ASIC2: variants seen among roughly 807,000 people sequenced by gnomAD.
ASIC2 encodes acid sensing ion channel subunit 2, also known as acid-sensing ion channel 2.
Under a neutral mutation model 57.3 loss-of-function variants are expected in ASIC2, and 25 were observed. That is an observed-to-expected ratio of 0.44 (90% CI 0.32 to 0.61). The LOEUF (loss-of-function observed/expected upper bound fraction) is 0.61, where lower values mean the gene tolerates loss of function less well. Among genes scored for constraint, ASIC2 ranks in the 20% least tolerant of loss-of-function variants. The pLI is 0.06. For synonymous variants in ASIC2, 319 were observed against 307.5 expected, an observed-to-expected ratio of 1.04 and a Z score of -0.39; for missense variants, 641 against 738.1, an observed-to-expected ratio of 0.87 and a Z score of 1.52.
intron 2 of ASIC2, among the ~76,000 whole-genome samples, chr17:33,100,595 A>G (rs2092208277): frequency 6.6e-6 from 1 of 152,166 alleles, no homozygotes; most frequent in Non-Finnish European, 1.5e-5. Flanking sequence ...CAGACTGCAA[A>G]TGCTTGGCAC....
At chr17:33,706,932 G>A (rs970127973) in intron 1 of ASIC2, among the ~76,000 whole-genome samples, 3 of 152,152 alleles carry the variant, frequency 2.0e-5, no homozygotes, top group Non-Finnish European at 2.9e-5. Context: ...TTTCTTCGTT[G>A]TGCCTCATTA....
intron 1 of ASIC2, among the ~76,000 whole-genome samples, chr17:33,222,332 C>T (rs1275016215): frequency 6.6e-6 from 1 of 152,110 alleles, no homozygotes; most frequent in Non-Finnish European, 1.5e-5. Context: ...CACAAAAGGT[C>T]ACAGGTTGTA....
At chr17:33,779,660 C>T (rs1050732344) in intron 1 of ASIC2, among the ~76,000 whole-genome samples, 5 of 151,984 alleles carry the variant, frequency 3.3e-5, no homozygotes, top group Non-Finnish European at 7.4e-5. Flanking sequence ...AGTTCTATAT[C>T]CTGAAGTGAG....
chr17:33,930,108 A>G lies in ASIC2; in HGVS notation c.555+225870T>C, dbSNP rs913882535. Among the ~76,000 whole-genome samples the G allele has an allele frequency of 2.6e-5, 4 of 152,344 alleles. No individual in the cohort carries two copies. The East Asian group carries it at 7.7e-4, about 29-fold the overall frequency. On this transcript the variant is annotated intron_variant, in intron 1 of 9. Transcript: ENST00000359872. ...ACTTGTGATAATAGAAGTTTGCAGC[A>G]AGTAATAGTAATAGAAGTCTGAAAG...
intron 1 of ASIC2, among the ~76,000 whole-genome samples, chr17:33,318,723 G>A (rs908243365): frequency 2.0e-5 from 3 of 152,198 alleles, no homozygotes; most frequent in Admixed American, 6.5e-5. Flanking sequence ...GGAGGGTCGT[G>A]TGTGTAAGGC....
intron 9 of ASIC2, 96 bp from the exon 10 acceptor site, chr17:33,014,162 C>G: frequency 1.1e-6 from 1 of 950,366 alleles, no homozygotes; most frequent in South Asian, 1.4e-5. Flanking sequence ...GGAAGGTGCT[C>G]CCCACTTGTG....
intron 1 of ASIC2, among the ~76,000 whole-genome samples, chr17:34,011,684 T>C (rs1567787283): frequency 6.6e-6 from 1 of 152,036 alleles, no homozygotes; most frequent in Non-Finnish European, 1.5e-5. Flanking sequence ...CATGGAAACC[T>C]CTCCAGCAAA....
chr17:33,632,784 G>A (rs932779688), intron 1 of ASIC2, among the ~76,000 whole-genome samples: 12 of 152,084 alleles, frequency 7.9e-5, no homozygotes, highest in African/African-American at 2.9e-4. Context: ...TCTTGACCAA[G>A]CTTGTCTCTA....
At chr17:33,195,825 T>A (rs1425846231) in intron 1 of ASIC2, among the ~76,000 whole-genome samples, 1 of 152,136 alleles carries the variant, frequency 6.6e-6, no homozygotes, top group Non-Finnish European at 1.5e-5. Flanking sequence ...TGCCCTCCCC[T>A]CCTCACCCTC....
chr17:33,421,137 T>C (rs905153057), intron 1 of ASIC2, among the ~76,000 whole-genome samples: 5 of 152,018 alleles, frequency 3.3e-5, no homozygotes, highest in African/African-American at 1.2e-4. Flanking sequence ...TAGAATAGAA[T>C]AGGTCTTTGT....
chr17:33,059,698 T>C (rs900290500), intron 3 of ASIC2, among the ~76,000 whole-genome samples: 1 of 152,234 alleles, frequency 6.6e-6, no homozygotes, highest in Non-Finnish European at 1.5e-5. Context: ...CTGGGTCAAA[T>C]GGTATTTCTA....
At chr17:33,781,430 G>A (rs993764286) in intron 1 of ASIC2, among the ~76,000 whole-genome samples, 2 of 152,178 alleles carry the variant, frequency 1.3e-5, no homozygotes, top group Non-Finnish European at 2.9e-5. Context: ...TGGGGACAGC[G>A]CAGGATGATG....
intron 1 of ASIC2, among the ~76,000 whole-genome samples, chr17:33,223,479 G>A (rs982445743): frequency 3.3e-5 from 5 of 152,018 alleles, no homozygotes; most frequent in African/African-American, 7.3e-5. Context: ...CACCATGCCC[G>A]GCCCCCCTTT....
chr17:33,056,865 C>G (rs889447228), intron 3 of ASIC2, among the ~76,000 whole-genome samples: 2 of 152,242 alleles, frequency 1.3e-5, no homozygotes, highest in African/African-American at 4.8e-5. Flanking sequence ...TTCACATATG[C>G]TGTCACTTGC....
intron 1 of ASIC2, among the ~76,000 whole-genome samples, chr17:33,928,412 T>C (rs532531736): frequency 1.8e-4 from 27 of 152,290 alleles, no homozygotes; most frequent in Non-Finnish European, 2.5e-4. Flanking sequence ...TTCCCACCCT[T>C]TGTGGAGAAT....
At chr17:33,501,977 C>T (rs62055333) in intron 1 of ASIC2, among the ~76,000 whole-genome samples, 57,340 of 151,918 alleles carry the variant, frequency 0.38, 11,431 homozygotes, top group Non-Finnish European at 0.46. Flanking sequence ...TGGGCCTGAG[C>T]GTTTCCTTGA....
At chr17:33,829,110 C>G (rs560708035) in intron 1 of ASIC2, among the ~76,000 whole-genome samples, 1 of 152,218 alleles carries the variant, frequency 6.6e-6, no homozygotes, top group Non-Finnish European at 1.5e-5. Context: ...TGACTTCCAG[C>G]CTATGCACTG....
In ASIC2 at chr17:34,117,650, T is replaced by C. The variant is rs562571807; in HGVS notation, c.555+38328A>G. Among the ~76,000 whole-genome samples the C allele has an allele frequency of 4.6e-5, 7 of 152,160 alleles. No individual in the cohort carries two copies. The South Asian group carries it at 1.5e-3, about 32-fold the overall frequency. On this transcript the variant is annotated intron_variant, in intron 1 of 9. Coordinates refer to the ASIC2 transcript ENST00000359872. ...ATGCTGAAGTCCTGGGCTCAGACCA[T>C]AGCTGTGGGGGTGGAGAGGAGAAAG...
At chr17:33,118,410 A>T (rs1003377684) in intron 1 of ASIC2, among the ~76,000 whole-genome samples, 5 of 152,228 alleles carry the variant, frequency 3.3e-5, no homozygotes, top group South Asian at 4.1e-4. Flanking sequence ...AGGCTGAGCC[A>T]GGTCACAGAG....
Sources: gnomAD v4.1 joint callset for allele counts (sites outside exome capture counted in the v4.1 genomes callset) on GRCh38, gnomAD v4.1.1 for gene constraint, MANE v1.5 for transcripts, NCBI Gene and HGNC (gene_info 2026-07-23, HGNC 2026-07-21) for gene names.